TLR3: variants seen among roughly 807,000 people sequenced by gnomAD.
The protein encoded by TLR3 is toll-like receptor 3.
In TLR3, 43 loss-of-function variants were observed where a neutral mutation model predicts 66.4. The observed-to-expected ratio is 0.65, with a 90% CI of 0.51 to 0.83. The LOEUF (loss-of-function observed/expected upper bound fraction) is 0.83. Among genes scored for constraint, TLR3 ranks in the 40% least tolerant of loss-of-function variants. TLR3 has a pLI of 0.00. For missense variants in TLR3, 982 were observed against 1,044.6 expected (o/e 0.94, Z 0.83); for synonymous variants, 397 against 397.2 (o/e 1.00, Z 0.01).
chr4:186,076,103 G>A (rs1433392976), intron 1 of TLR3, among the ~76,000 whole-genome samples: 1 of 151,976 alleles, frequency 6.6e-6, no homozygotes, highest in African/African-American at 2.4e-5. Flanking sequence ...GCAGTGAGCC[G>A]AGATTGCACC....
intron 4 of TLR3, 144 bp from the exon 5 acceptor site, chr4:186,084,501 A>T: frequency 1.5e-6 from 1 of 660,026 alleles, no homozygotes; most frequent in Non-Finnish European, 2.5e-6. Context: ...ATTACTCACA[A>T]CTCAAAGAAT....
intron 4 of TLR3, 49 bp downstream of exon 4, chr4:186,084,221 ATTTCT>A (rs2099303997): frequency 6.8e-7 from 1 of 1,479,822 alleles, no homozygotes; most frequent in African/African-American, 1.4e-5. Flanking sequence ...TTTCAATTAA[ATTTCT>A]TTTTTTTTTT....
At chr4:186,080,812 G>A (rs564510504) in intron 3 of TLR3, among the ~76,000 whole-genome samples, 2 of 152,106 alleles carry the variant, frequency 1.3e-5, no homozygotes, top group African/African-American at 4.8e-5. Flanking sequence ...GGCTGGTCTC[G>A]AACTCCTGAC....
Position 186,076,953 on chromosome 4 carries a change from T to C in TLR3, c.334T>C (p.Ser112Pro). Residue 112 changes from serine (S) to proline (P), a missense_variant, in exon 2 of 5, where the codon TCT becomes CCT. Physicochemically the swap from Ser to Pro is moderately conservative, Grantham distance 74. Around this residue, in one of 3 missense-constraint regions of TLR3, gnomAD observed 313 missense variants for 319.0 expected, o/e 0.98. Coordinates refer to ENST00000296795, the MANE Select transcript of TLR3 (RefSeq NM_003265.3). ...KVLNLQHNEL[S>P]QLSDKTFAFC... is the part of the protein sequence containing the mutation. ...TTTGAACCTCCAGCACAATGAGCTATCTCAACTTTCTGATAAAACCTTTGC... is the reference window on the plus strand; with the variant it reads ...TTTGAACCTCCAGCACAATGAGCTACCTCAACTTTCTGATAAAACCTTTGC... 6.2e-7 allele frequency: 1 copy of C among 1,614,202 alleles called. No individual in the cohort carries two copies. The highest frequency in any genetic ancestry group is 8.5e-7 in the Non-Finnish European group (1 of 1,180,040).
chr4:186,075,788 A>G (rs2099302343), intron 1 of TLR3, among the ~76,000 whole-genome samples: 1 of 152,222 alleles, frequency 6.6e-6, no homozygotes, highest in South Asian at 2.1e-4. Flanking sequence ...AAGCAATGTT[A>G]TAGCTGACAG....
chr4:186,082,686 A>C lies in TLR3; in HGVS notation c.1000A>C (p.Thr334Pro). The C allele has an allele frequency of 6.2e-7, 1 of 1,614,062 alleles. No individual in the cohort carries two copies. Among genetic ancestry groups the C allele is most frequent in the Non-Finnish European group, 8.5e-7 (1 of 1,179,976 alleles). Reference sequence around the variant, plus strand: ...GTACCTGAATTTGAAACGGTCTTTTACTAAACAAAGTATTTCCCTTGCCTC... The same window carrying C: ...GTACCTGAATTTGAAACGGTCTTTTCCTAAACAAAGTATTTCCCTTGCCTC... ...VRYLNLKRSF[T>P]KQSISLASLP... Residue 334 changes from threonine to proline, a missense_variant, in exon 4 of 5, where the codon ACT becomes CCT. By Grantham distance (38) the Thr-to-Pro change is conservative. This residue lies in a region of TLR3 where 666 missense variants were observed against 709.0 expected (regional missense o/e 0.94). Coordinates refer to ENST00000296795, the MANE Select transcript of TLR3 (RefSeq NM_003265.3).
chr4:186,075,364 G>A (rs1408786306), intron 1 of TLR3, among the ~76,000 whole-genome samples: 1 of 152,212 alleles, frequency 6.6e-6, no homozygotes, highest in Non-Finnish European at 1.5e-5. Context: ...GCTCATGCCT[G>A]TAATCCCAGC....
intron 1 of TLR3, among the ~76,000 whole-genome samples, chr4:186,074,798 C>CT (rs945224864): frequency 3.9e-4 from 59 of 150,630 alleles, no homozygotes; most frequent in Non-Finnish European, 5.9e-4. Flanking sequence ...TAATTTTCTT[C>CT]TTTTTTTTTA....
chr4:186,084,116 C>G lies in TLR3; in HGVS notation c.2430C>G (p.Ser810Arg). The change falls in exon 4 of 5, where the codon AGC becomes AGG. Residue 810 changes from serine (S) to arginine (R), a missense_variant. Around this residue, in one of 3 missense-constraint regions of TLR3, gnomAD observed 666 missense variants for 709.0 expected, o/e 0.94. Coordinates refer to ENST00000296795, the MANE Select transcript of TLR3 (RefSeq NM_003265.3). ...CAATTGTTAACAGCATCAAAAGAAG[C>G]AGAAAAATTATTTTTGTTATAACAC... ...LEAIVNSIKR[S>R]RKIIFVITHH... is the part of the protein sequence containing the mutation. The G allele has an allele frequency of 6.2e-7, 1 of 1,613,860 alleles. No homozygotes were observed. The highest frequency in any genetic ancestry group is 8.5e-7 in the Non-Finnish European group (1 of 1,179,966).
At chr4:186,080,807 G>A (rs1192533224) in intron 3 of TLR3, among the ~76,000 whole-genome samples, 1 of 152,016 alleles carries the variant, frequency 6.6e-6, no homozygotes, top group African/African-American at 2.4e-5. Flanking sequence ...GGCCAGGCTG[G>A]TCTCGAACTC....
chr4:186,080,532 T>C (rs1470499391), intron 3 of TLR3, among the ~76,000 whole-genome samples: 1 of 151,970 alleles, frequency 6.6e-6, no homozygotes, highest in Non-Finnish European at 1.5e-5. Flanking sequence ...AGTGCTGTGA[T>C]AAATTTTTAA....
rs1373587044 is a variant in TLR3 at position 186,076,967 on chromosome 4, T to TA, written c.352dup (p.Thr118AsnfsTer10). The TA allele has an allele frequency of 6.2e-7, 1 of 1,614,216 alleles. No individual in the cohort carries two copies. The highest frequency in any genetic ancestry group is 2.2e-5 in the East Asian group (1 of 44,884). ...ACAATGAGCTATCTCAACTTTCTGA[T>TA]AAAACCTTTGCCTTCTGCACGAATT... On this transcript the variant is annotated frameshift_variant, in exon 2 of 5. Coordinates refer to ENST00000296795, the MANE Select transcript of TLR3 (RefSeq NM_003265.3). LOFTEE classifies it high-confidence loss of function.
intron 2 of TLR3, among the ~76,000 whole-genome samples, chr4:186,078,115 T>C (rs536536617): frequency 8.6e-4 from 131 of 152,298 alleles, no homozygotes; most frequent in Non-Finnish European, 1.5e-3. Context: ...GAGAAATCAT[T>C]GCAAAATGTT....
chr4:186,074,945 G>A (rs777297909), intron 1 of TLR3, among the ~76,000 whole-genome samples: 1 of 151,772 alleles, frequency 6.6e-6, no homozygotes, highest in Non-Finnish European at 1.5e-5. Flanking sequence ...GCCACAACAC[G>A]CACGGACCTG....
chr4:186,077,183 A>G (rs2099302583), intron 2 of TLR3, 123 bp downstream of exon 2: 2 of 1,005,760 alleles, frequency 2.0e-6, no homozygotes, highest in Non-Finnish European at 2.9e-6. Context: ...TGCCACAAAT[A>G]TTGCCATTAT....
At chr4:186,074,544 G>A (rs553847610) in intron 1 of TLR3, among the ~76,000 whole-genome samples, 16 of 152,214 alleles carry the variant, frequency 1.1e-4, no homozygotes, top group Admixed American at 7.2e-4. Context: ...TGGAGGCCTC[G>A]GACATGACTG....
rs762362160 is a variant in TLR3 at position 186,084,654 on chromosome 4, A to T, written c.2496A>T (p.Val832=). 1 of 1,608,140 alleles carries T rather than the reference A, an allele frequency of 6.2e-7. No homozygotes were observed. Among genetic ancestry groups the T allele is most frequent in the South Asian group, 1.1e-5 (1 of 90,932 alleles). Residue 832 remains valine, a synonymous_variant, in exon 5 of 5, where the codon GTA becomes GTT. Transcript: ENST00000296795. The part of the protein sequence containing the change: ...LKDPLCKRFK[V]HHAVQQAIEQ... ...ACATTTTTTTACTTAGATTCAAGGT[A>T]CATCATGCAGTTCAACAAGCTATTG...
At chr4:186,069,598 T>C (rs2099301089) in intron 1 of TLR3, among the ~76,000 whole-genome samples, 2 of 152,244 alleles carry the variant, frequency 1.3e-5, no homozygotes, top group Admixed American at 1.3e-4. Context: ...AATCACATCT[T>C]TGCCTTAAAG....
intron 1 of TLR3, among the ~76,000 whole-genome samples, chr4:186,071,546 G>A (rs2099301473): frequency 6.6e-6 from 1 of 152,212 alleles, no homozygotes. Context: ...GGGCAAGTCA[G>A]CAAATGCATC....
Sources: allele counts gnomAD v4.1 joint callset (sites outside exome capture counted in the v4.1 genomes callset), GRCh38; gene constraint gnomAD v4.1.1; regional missense constraint gnomAD v4.1.1; transcripts MANE v1.5; gene names NCBI Gene and HGNC (gene_info 2026-07-23, HGNC 2026-07-21).